Variants in RNF180 observed in about 807,000 individuals in gnomAD.
The protein encoded by RNF180 is ring finger protein 180.
Under a neutral mutation model 59.2 loss-of-function variants are expected in RNF180, and 38 were observed. The observed-to-expected ratio is 0.64, with a 90% CI of 0.50 to 0.84. RNF180 has a LOEUF of 0.84. Ranked by LOEUF, RNF180 falls within the 40% of genes least tolerant of loss-of-function variation. The probability of loss-of-function intolerance (pLI) is 0.00; values close to 1 mark genes in which losing one functional copy is unlikely to be tolerated. For synonymous variants in RNF180, 262 were observed against 240.3 expected, an observed-to-expected ratio of 1.09 and a Z score of -0.84; for missense variants, 705 against 700.9, an observed-to-expected ratio of 1.01 and a Z score of -0.07.
At position 64,369,954 on chromosome 5, in the gene RNF180, G is replaced by T. The variant is rs1746604467; in HGVS notation, c.*140G>T. ...TGTTTATAGAAAGCCTGAGAATAAT[G>T]AATTTATTTATTAATGTTTTTCATG... On this transcript the variant is annotated 3_prime_UTR_variant, in exon 8 of 8. Transcript: ENST00000389100. 7.8e-6 allele frequency: 4 copies of T among 514,000 alleles called. No homozygotes were observed. The highest frequency in any genetic ancestry group is 3.7e-5 in the South Asian group (1 of 26,932). The allele number at this position is 514,000 out of a possible 1,614,324, so 31.8% of individuals were successfully genotyped here. A position where few individuals can be genotyped will look rare whatever the true frequency, so the allele number is the denominator to read the frequency against.
intron 7 of RNF180, among the ~76,000 whole-genome samples, chr5:64,350,112 C>G (rs1745735805): frequency 1.3e-5 from 2 of 152,124 alleles, no homozygotes; most frequent in Admixed American, 1.3e-4. Flanking sequence ...ACCATTCTAA[C>G]AGGTGTGAGA....
At chr5:64,348,759 G>A (rs1745659826) in intron 7 of RNF180, among the ~76,000 whole-genome samples, 1 of 152,134 alleles carries the variant, frequency 6.6e-6, no homozygotes, top group East Asian at 1.9e-4. Flanking sequence ...AAATCTATAT[G>A]TAAGTCTAAA....
intron 5 of RNF180, among the ~76,000 whole-genome samples, chr5:64,282,971 T>G (rs1477501666): frequency 6.6e-6 from 1 of 152,184 alleles, no homozygotes; most frequent in African/African-American, 2.4e-5. Context: ...AAACTTCATG[T>G]TCTGTTGTTT....
intron 7 of RNF180, among the ~76,000 whole-genome samples, chr5:64,337,585 C>T (rs902694400): frequency 2.0e-5 from 3 of 151,862 alleles, no homozygotes; most frequent in Admixed American, 6.6e-5. Context: ...ATACATGTGC[C>T]GTGCTGGTGT....
chr5:64,252,869 C>G (rs1743671612), intron 5 of RNF180, among the ~76,000 whole-genome samples: 1 of 152,062 alleles, frequency 6.6e-6, no homozygotes, highest in Non-Finnish European at 1.5e-5. Context: ...TCAGCAGAGC[C>G]AGTATTAACA....
intron 5 of RNF180, among the ~76,000 whole-genome samples, chr5:64,286,835 A>C (rs575737998): frequency 6.6e-6 from 1 of 152,254 alleles, no homozygotes; most frequent in East Asian, 1.9e-4. Context: ...GGAAAGTTAC[A>C]GAGGCTTGAA....
chr5:64,247,101 T>C (rs147497179), intron 5 of RNF180, among the ~76,000 whole-genome samples: 2 of 152,166 alleles, frequency 1.3e-5, no homozygotes, highest in Admixed American at 1.3e-4. Flanking sequence ...TGAGTATTGA[T>C]GGAACATATC....
At chr5:64,253,847 T>C (rs139774792) in intron 5 of RNF180, among the ~76,000 whole-genome samples, 93 of 152,252 alleles carry the variant, frequency 6.1e-4, no homozygotes, top group African/African-American at 2.2e-3. Context: ...ACAAACCTGA[T>C]ATGTGGTAGT....
chr5:64,331,772 G>A (rs1343914401), intron 7 of RNF180, among the ~76,000 whole-genome samples: 2 of 152,142 alleles, frequency 1.3e-5, no homozygotes, highest in Non-Finnish European at 2.9e-5. Context: ...TCGCCACATT[G>A]ACGGTGACAA....
chr5:64,173,949 C>G (rs150676021), intron 1 of RNF180, among the ~76,000 whole-genome samples: 1 of 152,196 alleles, frequency 6.6e-6, no homozygotes, highest in Admixed American at 6.5e-5. Flanking sequence ...CACCTGACCT[C>G]GTGATCCACC....
At chr5:64,251,052 A>G (rs1580112889) in intron 5 of RNF180, among the ~76,000 whole-genome samples, 1 of 152,228 alleles carries the variant, frequency 6.6e-6, no homozygotes, top group Non-Finnish European at 1.5e-5. Context: ...GTGTATTTCA[A>G]CATACATAAA....
intron 5 of RNF180, among the ~76,000 whole-genome samples, chr5:64,309,822 ATTC>A (rs556644118): frequency 4.3e-4 from 66 of 151,798 alleles, no homozygotes; most frequent in Admixed American, 7.9e-4. Flanking sequence ...CATTCAGTTT[ATTC>A]TTTACCAACT....
chr5:64,330,259 A>G lies in RNF180; in HGVS notation c.1454-22A>G, dbSNP rs1461758812. The G allele has an allele frequency of 5.0e-6, 7 of 1,390,104 alleles. No individual in the cohort carries two copies. The East Asian group carries it at 1.0e-4, about 20-fold the overall frequency. The allele number at this position is 1,390,104 out of a possible 1,614,324, so 86.1% of individuals were successfully genotyped here. On this transcript the variant is annotated intron_variant, in intron 6 of 7. Coordinates refer to ENST00000389100, the MANE Select transcript of RNF180 (RefSeq NM_001113561.2). ...TTACTCAAATTAATTTCAAAATCCT[A>G]TTTTCTTTTGCTTTATTCTAGAATT... is the stretch of plus-strand genomic sequence containing the variant.
At chr5:64,205,349 G>T (rs151133100) in intron 2 of RNF180, among the ~76,000 whole-genome samples, 2 of 152,120 alleles carry the variant, frequency 1.3e-5, no homozygotes, top group African/African-American at 4.8e-5. Flanking sequence ...AATCTACAAC[G>T]TCCACAAGGA....
At chr5:64,173,796 A>G (rs1750077440) in intron 1 of RNF180, among the ~76,000 whole-genome samples, 1 of 150,666 alleles carries the variant, frequency 6.6e-6, no homozygotes, top group South Asian at 2.1e-4. Flanking sequence ...GCTCACTGCA[A>G]CCTCTGCCTC....
chr5:64,287,822 T>G (rs767253724), intron 5 of RNF180, among the ~76,000 whole-genome samples: 7 of 152,090 alleles, frequency 4.6e-5, no homozygotes, highest in African/African-American at 1.7e-4. Context: ...TTAGATAGAT[T>G]GCAAAAGTTT....
intron 5 of RNF180, among the ~76,000 whole-genome samples, chr5:64,274,362 A>G (rs1461641411): frequency 6.6e-6 from 1 of 151,376 alleles, no homozygotes; most frequent in Non-Finnish European, 1.5e-5. Flanking sequence ...AAAGTTCCTT[A>G]TATATTTCTC....
chr5:64,236,450 TG>T (rs1742445736), intron 5 of RNF180, among the ~76,000 whole-genome samples: 1 of 152,202 alleles, frequency 6.6e-6, no homozygotes, highest in African/African-American at 2.4e-5. Flanking sequence ...AGAGATGGTT[TG>T]AAATGGGAAC....
chr5:64,358,267 G>C (rs1252193078), intron 7 of RNF180, among the ~76,000 whole-genome samples: 2 of 151,778 alleles, frequency 1.3e-5, no homozygotes, highest in Non-Finnish European at 2.9e-5. Flanking sequence ...AACTTAAACT[G>C]ATAAATGCCT....
Sources: allele counts gnomAD v4.1 joint callset (sites outside exome capture counted in the v4.1 genomes callset), GRCh38; gene constraint gnomAD v4.1.1; transcripts MANE v1.5; gene names NCBI Gene and HGNC (gene_info 2026-07-23, HGNC 2026-07-21).